CDH8: variants seen among roughly 807,000 people sequenced by gnomAD.
CDH8 encodes cadherin 8.
A neutral mutation model predicts 68.1 loss-of-function variants in CDH8; 17 were observed. The ratio of observed to expected loss-of-function variants is 0.25; its 90% CI spans 0.17 to 0.37. CDH8 has a LOEUF of 0.37. Ranked by LOEUF, CDH8 falls within the 10% of genes least tolerant of loss-of-function variation. The pLI is 1.00. For synonymous variants in CDH8, 372 were observed against 365.1 expected (o/e 1.02, Z -0.21); for missense variants, 763 against 999.3 (o/e 0.76, Z 3.19).
intron 4 of CDH8, among the ~76,000 whole-genome samples, chr16:61,853,198 C>A (rs1447199194): frequency 6.6e-6 from 1 of 152,078 alleles, no homozygotes; most frequent in Non-Finnish European, 1.5e-5. Context: ...AGAAGAAGCT[C>A]TCTCTGATAT....
intron 2 of CDH8, among the ~76,000 whole-genome samples, chr16:61,910,338 C>CA (rs34671955): frequency 0.024 from 2,926 of 120,746 alleles, 47 homozygotes; most frequent in East Asian, 0.1. Context: ...CAAGCAGCCA[C>CA]AAAAAAAAAA....
chr16:61,960,258 T>TATATACATGTGTGTGTGTATACAC (rs1965110592), intron 2 of CDH8, among the ~76,000 whole-genome samples: 2 of 51,832 alleles, frequency 3.9e-5, no homozygotes, highest in Non-Finnish European at 3.5e-5. Flanking sequence ...TGTATACACA[T>TATATACATGTGTGTGTGTATACAC]ACATATATAC....
intron 2 of CDH8, among the ~76,000 whole-genome samples, chr16:61,978,528 C>T (rs970793684): frequency 6.6e-6 from 1 of 152,124 alleles, no homozygotes; most frequent in Non-Finnish European, 1.5e-5. Flanking sequence ...GAGTCACATC[C>T]TATCAAATTC....
At chr16:61,807,320 G>T (rs1323613271) in intron 7 of CDH8, among the ~76,000 whole-genome samples, 3 of 120,148 alleles carry the variant, frequency 2.5e-5, no homozygotes, top group Admixed American at 9.7e-5. Context: ...TGGGGACTGT[G>T]GTGGGGTGGG....
chr16:61,768,369 C>CTCTCTCTCTCTCTCT (rs1567461189), intron 8 of CDH8, among the ~76,000 whole-genome samples: 2 of 23,542 alleles, frequency 8.5e-5, no homozygotes, highest in Admixed American at 5.6e-4. Context: ...TCTCTCTCTC[C>CTCTCTCTCTCTCTCT]CTTTCTCTCT....
chr16:61,681,836 G>C (rs998282621), intron 10 of CDH8, among the ~76,000 whole-genome samples: 1 of 151,806 alleles, frequency 6.6e-6, no homozygotes, highest in Non-Finnish European at 1.5e-5. Context: ...TCCACAGAAC[G>C]TTCCTTTGAG....
chr16:61,685,069 T>C (rs1448116151), intron 10 of CDH8, among the ~76,000 whole-genome samples: 1 of 151,924 alleles, frequency 6.6e-6, no homozygotes, highest in African/African-American at 2.4e-5. Context: ...TTTCTTGTTT[T>C]GAACATTCAA....
intron 3 of CDH8, among the ~76,000 whole-genome samples, chr16:61,884,873 G>A (rs374150610): frequency 3.3e-5 from 5 of 152,036 alleles, no homozygotes; most frequent in East Asian, 3.9e-4. Context: ...CTCTGCAAGG[G>A]GTTATAACCC....
chr16:61,682,599 G>A (rs541546773), intron 10 of CDH8, among the ~76,000 whole-genome samples: 5 of 151,692 alleles, frequency 3.3e-5, no homozygotes, highest in Admixed American at 3.3e-4. Context: ...CTACAGCCAT[G>A]GTGTTTTTCC....
chr16:61,823,619 T>C (rs1962264365), intron 5 of CDH8, among the ~76,000 whole-genome samples: 1 of 151,924 alleles, frequency 6.6e-6, no homozygotes, highest in South Asian at 2.1e-4. Flanking sequence ...AGGCCAGATT[T>C]AATTTCTTTT....
chr16:61,655,096 A>G (rs771725381), intron 11 of CDH8, among the ~76,000 whole-genome samples: 17 of 152,322 alleles, frequency 1.1e-4, no homozygotes, highest in African/African-American at 3.4e-4. Context: ...ACAATGAAAC[A>G]CTATTGTGGA....
intron 2 of CDH8, among the ~76,000 whole-genome samples, chr16:62,014,919 A>G (rs1271604271): frequency 2.0e-5 from 3 of 151,938 alleles, no homozygotes; most frequent in East Asian, 1.9e-4. Context: ...TTTTTTCCCA[A>G]AATAAGCAAT....
intron 1 of CDH8, among the ~76,000 whole-genome samples, chr16:62,028,465 A>C (rs2150619901): frequency 6.6e-6 from 1 of 152,152 alleles, no homozygotes; most frequent in South Asian, 2.1e-4. Flanking sequence ...CCTTTGCAAA[A>C]ATCAATAAAT....
chr16:61,662,237 C>A (rs1963581378), intron 10 of CDH8, among the ~76,000 whole-genome samples: 1 of 151,698 alleles, frequency 6.6e-6, no homozygotes, highest in Non-Finnish European at 1.5e-5. Context: ...ATTCAACAAT[C>A]TTCTTTTCAG....
At chr16:61,756,641 A>G (rs994608653) in intron 8 of CDH8, among the ~76,000 whole-genome samples, 1 of 152,216 alleles carries the variant, frequency 6.6e-6, no homozygotes, top group South Asian at 2.1e-4. Flanking sequence ...AGCAAATTAA[A>G]TAGAGAACAT....
intron 8 of CDH8, among the ~76,000 whole-genome samples, chr16:61,765,552 T>C (rs1284536760): frequency 3.3e-5 from 5 of 152,042 alleles, no homozygotes; most frequent in Admixed American, 6.6e-5. Context: ...CACATAGTTA[T>C]AGATATACAA....
At chr16:61,783,466 G>A (rs1320356852) in intron 8 of CDH8, among the ~76,000 whole-genome samples, 1 of 151,918 alleles carries the variant, frequency 6.6e-6, no homozygotes, top group African/African-American at 2.4e-5. Context: ...TCTCATTGGT[G>A]TACCTGAAAG....
intron 2 of CDH8, among the ~76,000 whole-genome samples, chr16:61,992,296 A>G (rs1463119510): frequency 6.6e-6 from 1 of 151,832 alleles, no homozygotes; most frequent in African/African-American, 2.4e-5. Context: ...TTGTAGGGAC[A>G]TGGATGAAAT....
intron 2 of CDH8, among the ~76,000 whole-genome samples, chr16:62,001,774 A>G (rs377561049): frequency 1.4e-3 from 213 of 152,108 alleles, no homozygotes; most frequent in African/African-American, 4.9e-3. Flanking sequence ...GCACCCATTA[A>G]CTCGTCATTT....
Sources: gnomAD v4.1 joint callset for allele counts (sites outside exome capture counted in the v4.1 genomes callset) on GRCh38, gnomAD v4.1.1 for gene constraint, MANE v1.5 for transcripts, NCBI Gene and HGNC (gene_info 2026-07-23, HGNC 2026-07-21) for gene names.